Variants in CPNE2 observed in about 807,000 individuals in gnomAD.
The protein encoded by CPNE2 is copine-2.
In CPNE2, 42 loss-of-function variants were observed where a neutral mutation model predicts 69.7. The observed-to-expected ratio is 0.60, with a 90% CI of 0.47 to 0.78. CPNE2 has a LOEUF of 0.78. Among genes scored for constraint, CPNE2 ranks in the 30% least tolerant of loss-of-function variants. The probability of loss-of-function intolerance (pLI) is 0.00; values close to 1 mark genes in which losing one functional copy is unlikely to be tolerated. For missense variants in CPNE2, 587 were observed against 732.0 expected (o/e 0.80, Z 2.29); for synonymous variants, 294 against 289.8 (o/e 1.01, Z -0.15).
At chr16:57,132,107 C>T (rs1252988206) in intron 12 of CPNE2, among the ~76,000 whole-genome samples, 2 of 152,178 alleles carry the variant, frequency 1.3e-5, no homozygotes, top group Non-Finnish European at 1.5e-5. Context: ...GACCCCAGGC[C>T]TGAGCAAACA....
intron 3 of CPNE2, among the ~76,000 whole-genome samples, chr16:57,115,228 C>T (rs2069709906): frequency 6.6e-6 from 1 of 152,196 alleles, no homozygotes; most frequent in African/African-American, 2.4e-5. Context: ...GCAAACCAGG[C>T]AGTGGGAGTC....
At chr16:57,111,833 A>T (rs1316737222) in intron 2 of CPNE2, among the ~76,000 whole-genome samples, 1 of 152,244 alleles carries the variant, frequency 6.6e-6, no homozygotes, top group Admixed American at 6.5e-5. Context: ...TTGAGGAAGG[A>T]TGTTGAGAAA....
chr16:57,140,994 C>T (rs2069918562), intron 14 of CPNE2: 1 of 151,990 alleles, frequency 6.6e-6, no homozygotes, highest in South Asian at 2.1e-4. Context: ...GGCCATTGTC[C>T]CACCCAGTCT....
chr16:57,125,989 G>A lies in CPNE2; in HGVS notation c.1057G>A (p.Asp353Asn), dbSNP rs766442892. Residue 353 changes from aspartate to asparagine, a missense_variant, in exon 11 of 16, where the codon GAC (aspartate) becomes AAC (asparagine). Physicochemically the swap from Asp to Asn is conservative, Grantham distance 23. Transcript: ENST00000290776. ...TGTTGGGCAGATCATTCAGGACTAC[G>A]ACAGGTAAGGTTGGAGAGGGGCTCT... ...WAVGQIIQDY[D>N]SDKMFPALGF... 4.3e-6 allele frequency: 7 copies of A among 1,614,078 alleles called. No individual in the cohort carries two copies. The highest frequency in any genetic ancestry group is 1.1e-5 in the South Asian group (1 of 91,068).
intron 1 of CPNE2, among the ~76,000 whole-genome samples, chr16:57,107,018 A>G (rs1432509161): frequency 1.3e-5 from 2 of 152,110 alleles, no homozygotes; most frequent in Non-Finnish European, 2.9e-5. Context: ...TGGCCCTGTA[A>G]CCTCAAGCAA....
intron 4 of CPNE2, among the ~76,000 whole-genome samples, 182 bp from the exon 5 acceptor site, chr16:57,117,314 G>A (rs138629966): frequency 6.6e-5 from 10 of 152,126 alleles, no homozygotes; most frequent in Non-Finnish European, 1.0e-4. Context: ...GTTATTTTCC[G>A]CATTTTCCAG....
chr16:57,128,150 G>C (rs1408303788), intron 12 of CPNE2, among the ~76,000 whole-genome samples: 2 of 152,320 alleles, frequency 1.3e-5, no homozygotes, highest in African/African-American at 2.4e-5. Context: ...AGGATTGCCA[G>C]ATGTCGCAAA....
intron 13 of CPNE2, among the ~76,000 whole-genome samples, chr16:57,135,789 G>T (rs1445153190): frequency 2.7e-5 from 4 of 150,242 alleles, no homozygotes; most frequent in Non-Finnish European, 5.9e-5. Flanking sequence ...CGGGAGAATC[G>T]CTTGAACCCA....
intron 1 of CPNE2, chr16:57,094,110 C>G: frequency 2.2e-6 from 1 of 456,428 alleles, no homozygotes; most frequent in Non-Finnish European, 4.4e-6. Context: ...CAGGACCGCC[C>G]CAGCCAGCTG....
chr16:57,138,091 G>A (rs1483196768), intron 14 of CPNE2, among the ~76,000 whole-genome samples: 9 of 152,154 alleles, frequency 5.9e-5, no homozygotes, highest in African/African-American at 1.7e-4. Context: ...TGCTCCTCAC[G>A]CTCCAGCGCC....
chr16:57,130,902 G>A lies in CPNE2; in HGVS notation c.1116+2999G>A, dbSNP rs540127755. Among the ~76,000 whole-genome samples the A allele has an allele frequency of 9.9e-5, 15 of 152,198 alleles. No homozygotes were observed. The highest frequency in any genetic ancestry group is 2.6e-4 in the African/African-American group (11 of 41,516). On this transcript the variant is annotated intron_variant, in intron 12 of 15. Transcript: ENST00000290776. This position sits in a 1 kb window ranked among gnomAD's most constrained non-coding sequence, Gnocchi z 4.1. ...GAGAGGCGTGGAGGTGAATTGAAGCGGGGGTCCCTGAGGTGTGGTTGTGGG... is the reference window on the plus strand; with the variant it reads ...GAGAGGCGTGGAGGTGAATTGAAGCAGGGGTCCCTGAGGTGTGGTTGTGGG...
chr16:57,126,112 C>T, intron 11 of CPNE2, 119 bp downstream of exon 11: 1 of 1,297,454 alleles, frequency 7.7e-7, no homozygotes, highest in South Asian at 1.4e-5. Flanking sequence ...CAGCAAATGG[C>T]ATAGGTGCAG....
Position 57,123,486 on chromosome 16 carries a change from C to T in CPNE2, c.927+13C>T, listed in dbSNP as rs2069778142. 6.2e-7 allele frequency: 1 copy of T among 1,612,580 alleles called. No homozygotes were observed. The highest frequency in any genetic ancestry group is 8.5e-7 in the Non-Finnish European group (1 of 1,179,834). The stretch of plus-strand genomic sequence containing the variant: ...GCTCATGTTCACCGTAAGGCTCTCC[C>T]CGCTGGCTCCCTCTGCACCCCCATC... On this transcript the variant is annotated intron_variant, in intron 10 of 15. Transcript: ENST00000290776.
Position 57,121,196 on chromosome 16 carries a change from G to T in CPNE2, c.780+5G>T. ...GAGGCTCGAGACAGCGTCCCGGTGA[G>T]ATGGGCACGTGTACTGTAACCCCAA... On this transcript the variant is annotated splice_donor_5th_base_variant and intron_variant, in intron 8 of 15. Transcript: ENST00000290776. 6.2e-7 allele frequency: 1 copy of T among 1,612,848 alleles called. No homozygotes were observed. The highest frequency in any genetic ancestry group is 8.5e-7 in the Non-Finnish European group (1 of 1,179,142).
At position 57,123,488 on chromosome 16, in the gene CPNE2, G is replaced by T; in HGVS notation, c.927+15G>T. ...TCATGTTCACCGTAAGGCTCTCCCCGCTGGCTCCCTCTGCACCCCCATCCC... is the reference window on the plus strand; with the variant it reads ...TCATGTTCACCGTAAGGCTCTCCCCTCTGGCTCCCTCTGCACCCCCATCCC... On this transcript the variant is annotated intron_variant, in intron 10 of 15. Coordinates refer to ENST00000290776, the MANE Select transcript of CPNE2 (RefSeq NM_152727.6). 3 of 1,612,182 alleles carry T rather than the reference G, an allele frequency of 1.9e-6. No homozygotes were observed. Among genetic ancestry groups the T allele is most frequent in the Non-Finnish European group, 2.5e-6 (3 of 1,179,736 alleles).
At chr16:57,093,062 G>A (rs2069554354) in intron 1 of CPNE2, among the ~76,000 whole-genome samples, 2 of 152,086 alleles carry the variant, frequency 1.3e-5, no homozygotes, top group African/African-American at 4.8e-5. Context: ...TCGGGGGTCC[G>A]AGCCCAGCTG....
chr16:57,099,090 C>T (rs1181898629), intron 1 of CPNE2, among the ~76,000 whole-genome samples: 1 of 152,202 alleles, frequency 6.6e-6, no homozygotes, highest in Admixed American at 6.5e-5. Flanking sequence ...CACCAAAGCC[C>T]CCGGTGTCCC....
At chr16:57,118,527 GT>G (rs1227788275) in intron 5 of CPNE2, among the ~76,000 whole-genome samples, 3 of 151,886 alleles carry the variant, frequency 2.0e-5, no homozygotes, top group Non-Finnish European at 4.4e-5. Context: ...CCTCTTTAAA[GT>G]AACAGTTGCC....
At position 57,147,494 on chromosome 16, in the gene CPNE2, TC is replaced by T. The variant is rs757329186; in HGVS notation, c.1540-55del. 299 of 1,301,162 alleles carry T rather than the reference TC, an allele frequency of 2.3e-4. 3 individuals carry two copies. The South Asian group carries it at 3.0e-3, about 13-fold the overall frequency. The allele number at this position is 1,301,162 out of a possible 1,614,324, so 80.6% of individuals were successfully genotyped here. A position where few individuals can be genotyped will look rare whatever the true frequency, so the allele number is the denominator to read the frequency against. ...TCTGGGCATAGTGCCGCTCACAACT[TC>T]CGGTCATTAATCCTTATTCTCTCTC... is the stretch of plus-strand genomic sequence containing the variant. On this transcript the variant is annotated intron_variant, in intron 15 of 15. Transcript: ENST00000290776.
Sources: allele counts gnomAD v4.1 joint callset (sites outside exome capture counted in the v4.1 genomes callset), GRCh38; gene constraint gnomAD v4.1.1; non-coding constraint Gnocchi (gnomAD v3.1); transcripts MANE v1.5; gene names NCBI Gene and HGNC (gene_info 2026-07-23, HGNC 2026-07-21).